HMCN2: variants seen among roughly 807,000 people sequenced by gnomAD.
The protein encoded by HMCN2 is hemicentin 2.
A neutral mutation model predicts 377.5 loss-of-function variants in HMCN2; 325 were observed. The observed-to-expected ratio is 0.86, with a 90% CI of 0.79 to 0.94. HMCN2 has a LOEUF of 0.94. Ranked by LOEUF, HMCN2 falls within the 40% of genes least tolerant of loss-of-function variation. The probability of loss-of-function intolerance (pLI) is 0.00; values close to 1 mark genes in which losing one functional copy is unlikely to be tolerated. For missense variants in HMCN2, 4,543 were observed against 4,725.3 expected (o/e 0.96, Z 1.13); for synonymous variants, 2,007 against 2,046.8 (o/e 0.98, Z 0.53).
Position 130,395,015 on chromosome 9 carries a change from C to T in HMCN2, c.10693-12C>T, listed in dbSNP as rs140257773. 5.0e-4 allele frequency: 636 copies of T among 1,282,572 alleles called. 6 individuals are homozygous for T. The African/African-American group carries it at 8.5e-3, about 17-fold the overall frequency. 79.4% of individuals were successfully genotyped at this position (1,282,572 alleles called of 1,614,324 possible). ...GGGCCAGGGGCAGCTGCTCAACCCG[C>T]TCCATCCCCAGGTTAGGGATGCTGG... On this transcript the variant is annotated splice_polypyrimidine_tract_variant and intron_variant, in intron 69 of 97. Transcript: ENST00000683500.
Position 130,360,748 on chromosome 9 carries a change from CCAA to C in HMCN2, c.5950+146_5950+148del. On this transcript the variant is annotated intron_variant, in intron 38 of 97. Transcript: ENST00000683500. The surrounding 1 kb of genome is among the most constrained non-coding windows in gnomAD (Gnocchi z 4.7). ...GTTACCCCATCCATCCATCATCCATCCAACCATCCATCCATCCATCCATCCATC... is the reference window on the plus strand; with the variant it reads ...GTTACCCCATCCATCCATCATCCATCCCATCCATCCATCCATCCATCCATC... The C allele has an allele frequency of 3.0e-6, 1 of 329,944 alleles. No homozygotes were observed. The highest frequency in any genetic ancestry group is 5.6e-6 in the Non-Finnish European group (1 of 179,744). 20.4% of individuals were successfully genotyped at this position (329,944 alleles called of 1,614,324 possible). A position where few individuals can be genotyped will look rare whatever the true frequency, so the allele number is the denominator to read the frequency against.
chr9:130,416,107 T>TTA (rs1554972527), intron 85 of HMCN2, among the ~76,000 whole-genome samples: 42 of 147,064 alleles, frequency 2.9e-4, no homozygotes, highest in African/African-American at 7.0e-4. Flanking sequence ...TTTATTTTTT[T>TTA]TTTTTTTTTT....
At chr9:130,333,588 TGAA>T (rs1478397071) in intron 22 of HMCN2, among the ~76,000 whole-genome samples, 1 of 152,212 alleles carries the variant, frequency 6.6e-6, no homozygotes, top group Non-Finnish European at 1.5e-5. Flanking sequence ...CACGTCGCGA[TGAA>T]GTCTGCCCCG....
chr9:130,273,956 A>T lies in HMCN2; in HGVS notation c.259+7819A>T, dbSNP rs1041685913. Among the ~76,000 whole-genome samples, 6 of 152,256 alleles carry T rather than the reference A, an allele frequency of 3.9e-5. No individual in the cohort carries two copies. The East Asian group carries it at 1.2e-3, about 29-fold the overall frequency. Reference sequence around the variant, plus strand: ...AAAGCAAAAACAAAACAAAAAATCCAAACAGGGATGGGTGTTGAATTTTAG... The same window carrying T: ...AAAGCAAAAACAAAACAAAAAATCCTAACAGGGATGGGTGTTGAATTTTAG... On this transcript the variant is annotated intron_variant, in intron 1 of 97. Transcript: ENST00000683500.
chr9:130,416,066 T>C (rs1371239383), intron 85 of HMCN2, among the ~76,000 whole-genome samples: 1 of 151,694 alleles, frequency 6.6e-6, no homozygotes, highest in Non-Finnish European at 1.5e-5. Context: ...GGCCAAAGGC[T>C]TCCACTGTTC....
At chr9:130,378,671 A>G (rs1440987766) in intron 53 of HMCN2, among the ~76,000 whole-genome samples, 1 of 152,068 alleles carries the variant, frequency 6.6e-6, no homozygotes, top group Admixed American at 6.5e-5. Flanking sequence ...GTTTTGCTAC[A>G]CAATGCCCAT....
chr9:130,394,156 C>T lies in HMCN2; in HGVS notation c.10501+148C>T, dbSNP rs930438133. On this transcript the variant is annotated intron_variant, in intron 68 of 97. Transcript: ENST00000683500. This position sits in a 1 kb window ranked among gnomAD's most constrained non-coding sequence, Gnocchi z 5.1. ...CAGAACTCAGGGAACTTGGTTCTGG[C>T]TGGGATGCCTCTCTCACCTTCCTTG... The T allele has an allele frequency of 1.1e-5, 9 of 804,988 alleles. No homozygotes were observed. The highest frequency in any genetic ancestry group is 1.5e-5 in the Non-Finnish European group (9 of 592,470). 49.9% of individuals were successfully genotyped at this position (804,988 alleles called of 1,614,324 possible).
At chr9:130,344,384 C>T (rs1216987287) in intron 25 of HMCN2, among the ~76,000 whole-genome samples, 1 of 144,362 alleles carries the variant, frequency 6.9e-6, no homozygotes, top group Non-Finnish European at 1.5e-5. Context: ...TGGTGTTTGG[C>T]ATGTATGTTG....
At chr9:130,341,607 A>T (rs897490571) in intron 24 of HMCN2, among the ~76,000 whole-genome samples, 3 of 151,916 alleles carry the variant, frequency 2.0e-5, no homozygotes, top group African/African-American at 4.8e-5. Context: ...CCCAGCAGGG[A>T]TTCCCTGTAC....
rs782289905 is a variant in HMCN2, at chr9:130,296,778, C to T, written c.996C>T (p.Leu332=). 5.1e-5 allele frequency: 24 copies of T among 471,056 alleles called. No individual in the cohort carries two copies. The highest frequency in any genetic ancestry group is 3.2e-4 in the Middle Eastern group (1 of 3,100). 29.2% of individuals were successfully genotyped at this position (471,056 alleles called of 1,614,324 possible). A position where few individuals can be genotyped will look rare whatever the true frequency, so the allele number is the denominator to read the frequency against. Residue 332 remains leucine (L), a synonymous_variant, in exon 7 of 98, where the codon CTC becomes CTT. Transcript: ENST00000683500. ...CCTTGCTGGACCTCAACCACACCCT[C>T]GAGTGGCCCTTGCAAGGTACAGTAC... ...TQPLLDLNHT[L]EWPLQGVPIS...
At position 130,266,032 on chromosome 9, in the gene HMCN2, G is replaced by T. The variant is rs782547169; in HGVS notation, c.154G>T (p.Glu52Ter). 7 of 470,790 alleles carry T rather than the reference G, an allele frequency of 1.5e-5. No homozygotes were observed. Among genetic ancestry groups the T allele is most frequent in the Non-Finnish European group, 2.6e-5 (6 of 227,010 alleles). 29.2% of individuals were successfully genotyped at this position (470,790 alleles called of 1,614,324 possible). The change falls in exon 1 of 98, where the codon GAA becomes TAA. Residue 52 changes from glutamate to a stop codon, truncating the protein, a stop_gained. Coordinates refer to ENST00000683500, the MANE Select transcript of HMCN2 (RefSeq NM_001291815.2). LOFTEE classifies it high-confidence loss of function. ...CGACGTCACCGGCTCCATGTGGGACGAACTGATGCAGGTGATCGATGGCGC... is the reference window on the plus strand; with the variant it reads ...CGACGTCACCGGCTCCATGTGGGACTAACTGATGCAGGTGATCGATGGCGC... ...VFDVTGSMWD[E>*]LMQVIDGASR...
intron 82 of HMCN2, 135 bp downstream of exon 82, chr9:130,406,303 A>G (rs561212181): frequency 1.5e-4 from 111 of 716,318 alleles, no homozygotes; most frequent in Admixed American, 7.1e-4. Flanking sequence ...GGGTCTTCCA[A>G]CGTGGCCCTA....
chr9:130,332,046 C>G, intron 22 of HMCN2, among the ~76,000 whole-genome samples: 1 of 152,292 alleles, frequency 6.6e-6, no homozygotes, highest in Middle Eastern at 3.4e-3. Context: ...AGAGGTGAGG[C>G]CTGCAGCTGG....
intron 1 of HMCN2, among the ~76,000 whole-genome samples, chr9:130,279,472 C>T (rs1554924864): frequency 6.6e-6 from 1 of 152,084 alleles, no homozygotes; most frequent in African/African-American, 2.4e-5. Flanking sequence ...CCTGCCTCAG[C>T]CTTTTGAGTA....
chr9:130,396,514 G>C (rs74485877), intron 73 of HMCN2, among the ~76,000 whole-genome samples: 1 of 152,112 alleles, frequency 6.6e-6, no homozygotes, highest in Non-Finnish European at 1.5e-5. Flanking sequence ...TAGATGGGGC[G>C]GGGTAGAGGG....
Position 130,393,870 on chromosome 9 carries a change from C to A in HMCN2, c.10363C>A (p.Pro3455Thr). Reference sequence around the variant, plus strand: ...CGTGTCGTGGATGAAGGATGGGGAACCCTTGTTGTCCCAGAGCCTCGAGCA... The same window carrying A: ...CGTGTCGTGGATGAAGGATGGGGAAACCTTGTTGTCCCAGAGCCTCGAGCA... ...PLVSWMKDGEPLLSQSLEQGP... is the reference protein window; with the variant it reads ...PLVSWMKDGETLLSQSLEQGP... Residue 3455 changes from proline to threonine, a missense_variant, in exon 68 of 98, where the codon CCC (proline) becomes ACC (threonine). By Grantham distance (38) the Pro-to-Thr change is conservative. Around this residue, in one of 5 missense-constraint regions of HMCN2, gnomAD observed 1,073 missense variants for 1,319.5 expected, o/e 0.81. Transcript: ENST00000683500. The surrounding 1 kb of genome is among the most constrained non-coding windows in gnomAD (Gnocchi z 5.2). 2.3e-6 allele frequency: 3 copies of A among 1,289,638 alleles called. No homozygotes were observed. Among genetic ancestry groups the A allele is most frequent in the Non-Finnish European group, 3.0e-6 (3 of 988,802 alleles). 79.9% of individuals were successfully genotyped at this position (1,289,638 alleles called of 1,614,324 possible). A position where few individuals can be genotyped will look rare whatever the true frequency, so the allele number is the denominator to read the frequency against.
rs1488831763 is a variant in HMCN2, at chr9:130,395,971, G to T, written c.10959G>T (p.Leu3653=). ...CGGAGCGGGGCAGGTTCCTCCAGCT[G>T]CAGGCCCTGAGCACGGCTGACAGCG... ...QFPERGRFLQ[L]QALSTADSGD... Residue 3653 remains leucine, a synonymous_variant, in exon 72 of 98, where the codon CTG becomes CTT. Transcript: ENST00000683500. 2.3e-6 allele frequency: 3 copies of T among 1,287,494 alleles called. No homozygotes were observed. The Admixed American group carries it at 6.9e-5, about 30-fold the overall frequency. The allele number at this position is 1,287,494 out of a possible 1,614,324, so 79.8% of individuals were successfully genotyped here.
At chr9:130,400,591 GA>G (rs1229925772) in intron 76 of HMCN2, 191 bp from the exon 77 acceptor site, 73 of 232,364 alleles carry the variant, frequency 3.1e-4, no homozygotes, top group African/African-American at 1.5e-3. Flanking sequence ...TTTTTTTAAA[GA>G]AAAAAAACTA....
chr9:130,311,290 C>T (rs1588221124), intron 15 of HMCN2, among the ~76,000 whole-genome samples: 1 of 152,210 alleles, frequency 6.6e-6, no homozygotes, highest in Admixed American at 6.5e-5. Flanking sequence ...CCAAGGCGGG[C>T]CAGGCTCTGA....
Sources: allele counts gnomAD v4.1 joint callset (sites outside exome capture counted in the v4.1 genomes callset), GRCh38; gene constraint gnomAD v4.1.1; regional missense constraint gnomAD v4.1.1; non-coding constraint Gnocchi (gnomAD v3.1); transcripts MANE v1.5; gene names NCBI Gene and HGNC (gene_info 2026-07-23, HGNC 2026-07-21).